Variants in ARB2A observed in about 807,000 individuals in gnomAD.
ARB2A encodes the protein ARB2 cotranscriptional regulator A.
the ARB2A span, among the ~76,000 whole-genome samples, chr5:93,884,180 C>G: frequency 3.3e-5 from 5 of 151,452 alleles, no homozygotes; most frequent in African/African-American, 1.2e-4. Flanking sequence ...AAGGTAAACT[C>G]TTTGAACAAA....
At chr5:94,066,311 A>G in the ARB2A span, among the ~76,000 whole-genome samples, 1 of 151,978 alleles carries the variant, frequency 6.6e-6, no homozygotes, top group African/African-American at 2.4e-5. Context: ...CAAAATTAGA[A>G]AGGATAAAAT....
chr5:93,673,474 GA>G, the ARB2A span, among the ~76,000 whole-genome samples: 1 of 151,970 alleles, frequency 6.6e-6, no homozygotes, highest in Admixed American at 6.6e-5. Flanking sequence ...CTTCTTGGAG[GA>G]AGGAAAGAAA....
chr5:94,078,252 T>G, the ARB2A span, among the ~76,000 whole-genome samples: 1 of 152,096 alleles, frequency 6.6e-6, no homozygotes, highest in Non-Finnish European at 1.5e-5. Context: ...TTTTCTGAGG[T>G]TCCCAGGACT....
the ARB2A span, among the ~76,000 whole-genome samples, chr5:94,009,957 C>A: frequency 1.3e-5 from 2 of 150,826 alleles, no homozygotes; most frequent in Non-Finnish European, 3.0e-5. Flanking sequence ...TGGCTAGCGG[C>A]TTTATCAATT....
At chr5:94,085,014 C>T in the ARB2A span, among the ~76,000 whole-genome samples, 1 of 152,022 alleles carries the variant, frequency 6.6e-6, no homozygotes, top group South Asian at 2.1e-4. Context: ...AGAAGTCCGA[C>T]AATACCAAAA....
the ARB2A span, among the ~76,000 whole-genome samples, chr5:94,032,750 A>C: frequency 6.6e-6 from 1 of 152,178 alleles, no homozygotes. Flanking sequence ...CAGCACATAA[A>C]GTGAGAGATG....
chr5:93,800,381 T>TCTCACA, the ARB2A span, among the ~76,000 whole-genome samples: 7 of 140,962 alleles, frequency 5.0e-5, no homozygotes, highest in Non-Finnish European at 9.3e-5. Context: ...CTGCATATTT[T>TCTCACA]CACACACACA....
the ARB2A span, among the ~76,000 whole-genome samples, chr5:93,906,610 T>C: frequency 9.9e-4 from 150 of 151,548 alleles, no homozygotes; most frequent in Admixed American, 2.4e-3. Flanking sequence ...ATTTTCAAAA[T>C]GACAGAAAAA....
At chr5:93,692,712 C>T in the ARB2A span, among the ~76,000 whole-genome samples, 1 of 152,148 alleles carries the variant, frequency 6.6e-6, no homozygotes, top group African/African-American at 2.4e-5. Context: ...TAGACATCTA[C>T]AGAAAGAATT....
chr5:93,984,205 G>A, the ARB2A span, among the ~76,000 whole-genome samples: 2 of 152,082 alleles, frequency 1.3e-5, no homozygotes. Context: ...AAAAGATTAA[G>A]TAATATATAA....
At chr5:93,710,352 C>G in the ARB2A span, among the ~76,000 whole-genome samples, 1 of 152,192 alleles carries the variant, frequency 6.6e-6, no homozygotes, top group Admixed American at 6.5e-5. Context: ...CAACACTGGG[C>G]TTGCATTCCT....
At chr5:93,618,865 T>A in the ARB2A span, 8 of 152,230 alleles carry the variant, frequency 5.3e-5, no homozygotes, top group African/African-American at 1.9e-4. Flanking sequence ...GGAGAGATGA[T>A]TTCAGAGAAG....
chr5:93,774,852 G>T, the ARB2A span, among the ~76,000 whole-genome samples: 2 of 152,144 alleles, frequency 1.3e-5, no homozygotes, highest in Admixed American at 6.5e-5. Context: ...TTTACATATT[G>T]ATTGGCTGAC....
At chr5:93,993,755 TAAGAA>T in the ARB2A span, among the ~76,000 whole-genome samples, 6 of 151,716 alleles carry the variant, frequency 4.0e-5, no homozygotes, top group African/African-American at 1.2e-4. Context: ...GTAAGAACTC[TAAGAA>T]GAGACTGACC....
the ARB2A span, among the ~76,000 whole-genome samples, chr5:94,110,917 G>A: frequency 6.6e-6 from 1 of 152,076 alleles, no homozygotes; most frequent in East Asian, 1.9e-4. Flanking sequence ...ATAGACCCTG[G>A]AGCACTATAA....
At chr5:94,014,513 C>G in the ARB2A span, among the ~76,000 whole-genome samples, 1 of 152,092 alleles carries the variant, frequency 6.6e-6, no homozygotes. Flanking sequence ...CAACAGCAAA[C>G]AGGGAACCAT....
At chr5:93,703,607 A>G in the ARB2A span, among the ~76,000 whole-genome samples, 1 of 152,228 alleles carries the variant, frequency 6.6e-6, no homozygotes, top group Non-Finnish European at 1.5e-5. Flanking sequence ...GGCAGAATGG[A>G]AGGTAAAACT....
chr5:94,053,281 A>G, the ARB2A span: 1 of 963,834 alleles, frequency 1.0e-6, no homozygotes, highest in Non-Finnish European at 1.5e-6. Flanking sequence ...AGTTTGTAAC[A>G]AAGATTTTAA....
chr5:93,776,309 G>T, the ARB2A span: 1 of 1,287,322 alleles, frequency 7.8e-7, no homozygotes, highest in Non-Finnish European at 1.1e-6. Flanking sequence ...TTTAGGGAGA[G>T]TTTAATTTAT....
Sources: allele counts gnomAD v4.1 joint callset (sites outside exome capture counted in the v4.1 genomes callset), GRCh38; gene constraint gnomAD v4.1.1; transcripts MANE v1.5; gene names NCBI Gene and HGNC (gene_info 2026-07-23, HGNC 2026-07-21).